CABP5: variants seen among roughly 807,000 people sequenced by gnomAD.
CABP5 encodes the protein calcium binding protein 5, also known as calcium-binding protein 5.
CABP5 carries 17 observed loss-of-function variants against 21.9 expected under a neutral mutation model. That is an observed-to-expected ratio of 0.78 (90% CI 0.53 to 1.17). The LOEUF (loss-of-function observed/expected upper bound fraction) is 1.17, where lower values mean the gene tolerates loss of function less well. CABP5 is among the 50% of genes most tolerant of loss of function. The pLI, the probability that CABP5 is intolerant of heterozygous loss-of-function variation, is 0.00. For missense variants in CABP5, 229 were observed against 228.9 expected (o/e 1.00, Z 0.00); for synonymous variants, 85 against 79.4 (o/e 1.07, Z -0.37).
Position 48,034,257 on chromosome 19 carries a change from G to A in CABP5, c.454C>T (p.Arg152Trp), listed in dbSNP as rs749204226. 56 of 1,606,798 alleles carry A rather than the reference G, an allele frequency of 3.5e-5. No homozygotes were observed. The highest frequency in any genetic ancestry group is 4.4e-5 in the Non-Finnish European group (52 of 1,177,116). Residue 152 changes from arginine (R) to tryptophan (W), a missense_variant, in exon 5 of 6, where the codon CGG becomes TGG. Physicochemically the swap from Arg to Trp is moderately radical, Grantham distance 101. Transcript: ENST00000293255. ...CCGTCTCCATTAACATCAGCCTCCCGGACAACCTCAGAGATCTCCCGGGGG... is the reference window on the plus strand; with the variant it reads ...CCGTCTCCATTAACATCAGCCTCCCAGACAACCTCAGAGATCTCCCGGGGG... ...LTPREISEVVREADVNGDGTV... is the reference protein window; with the variant it reads ...LTPREISEVVWEADVNGDGTV...
intron 4 of CABP5, among the ~76,000 whole-genome samples, chr19:48,036,335 C>T (rs900305549): frequency 1.3e-5 from 2 of 152,176 alleles, no homozygotes; most frequent in Non-Finnish European, 2.9e-5. Context: ...ATACTGTCCT[C>T]CAGGTTCATT....
intron 2 of CABP5, 116 bp from the exon 3 acceptor site, chr19:48,040,864 G>GAAACA (rs948846891): frequency 5.5e-5 from 46 of 835,000 alleles, no homozygotes; most frequent in East Asian, 2.4e-4. Context: ...GCGTACATTA[G>GAAACA]AAACAAAACA....
intron 2 of CABP5, chr19:48,041,254 A>G (rs1482842598): frequency 2.4e-6 from 1 of 416,544 alleles, no homozygotes; most frequent in Non-Finnish European, 4.3e-6. Context: ...ATCATTCCTG[A>G]GACCACTAAA....
At position 48,039,445 on chromosome 19, in the gene CABP5, C is replaced by T. The variant is rs1600126920; in HGVS notation, c.239-128G>A. ...CTATAAGAGCCGTCTTTGACTTCCT[C>T]CCTCCAGCAGCTAACTCCAAGCTCC... On this transcript the variant is annotated intron_variant, in intron 3 of 5. Transcript: ENST00000293255. 4.3e-6 allele frequency: 3 copies of T among 690,472 alleles called. No individual in the cohort carries two copies. The African/African-American group carries it at 5.3e-5, about 12-fold the overall frequency. The allele number at this position is 690,472 out of a possible 1,614,324, so 42.8% of individuals were successfully genotyped here. A position where few individuals can be genotyped will look rare whatever the true frequency, so the allele number is the denominator to read the frequency against.
At chr19:48,037,016 T>G (rs886230530) in intron 4 of CABP5, among the ~76,000 whole-genome samples, 2 of 152,144 alleles carry the variant, frequency 1.3e-5, no homozygotes, top group Non-Finnish European at 2.9e-5. Flanking sequence ...GCACAGCTAT[T>G]ATGGAAAATG....
chr19:48,037,464 C>T, intron 4 of CABP5, among the ~76,000 whole-genome samples: 1 of 151,588 alleles, frequency 6.6e-6, no homozygotes, highest in African/African-American at 2.4e-5. Flanking sequence ...GACGGGGTTT[C>T]TCCATGTTGG....
At chr19:48,042,237 C>T (rs1967490341) in intron 1 of CABP5, among the ~76,000 whole-genome samples, 1 of 152,268 alleles carries the variant, frequency 6.6e-6, no homozygotes, top group African/African-American at 2.4e-5. Flanking sequence ...TCACACTAGC[C>T]CCCATTCACT....
At position 48,030,407 on chromosome 19, in the gene CABP5, C is replaced by G. The variant is rs1249549761; in HGVS notation, c.*150G>C. 1.4e-6 allele frequency: 1 copy of G among 700,390 alleles called. No individual in the cohort carries two copies. The highest frequency in any genetic ancestry group is 1.8e-5 in the African/African-American group (1 of 54,612). The allele number at this position is 700,390 out of a possible 1,614,324, so 43.4% of individuals were successfully genotyped here. ...GCAAAGATACCGCTCTGGGTCTCAC[C>G]CCATGCACAGCGCCGCATGCCAATG... is the stretch of plus-strand genomic sequence containing the variant. On this transcript the variant is annotated 3_prime_UTR_variant, in exon 6 of 6. Coordinates refer to ENST00000293255, the MANE Select transcript of CABP5 (RefSeq NM_019855.5).
chr19:48,042,932 T>C (rs999700329), intron 1 of CABP5, among the ~76,000 whole-genome samples: 7 of 152,142 alleles, frequency 4.6e-5, no homozygotes, highest in Non-Finnish European at 8.8e-5. Flanking sequence ...CCCACATATC[T>C]GGACAAGTTG....
At chr19:48,041,892 C>T (rs1967486655) in intron 1 of CABP5, among the ~76,000 whole-genome samples, 1 of 152,108 alleles carries the variant, frequency 6.6e-6, no homozygotes, top group Admixed American at 6.6e-5. Context: ...GTCTTAAACA[C>T]TGGGGAGTCC....
chr19:48,034,442 C>T (rs1967381934), intron 4 of CABP5, 80 bp from the exon 5 acceptor site: 1 of 1,148,312 alleles, frequency 8.7e-7, no homozygotes, highest in South Asian at 2.4e-5. Flanking sequence ...CTATCGCTTA[C>T]TGTGGGTCAA....
intron 5 of CABP5, among the ~76,000 whole-genome samples, chr19:48,033,332 AAGAACCCCACGTCTCATCCATGT>A (rs1348271305): frequency 6.6e-6 from 1 of 152,172 alleles, no homozygotes; most frequent in Non-Finnish European, 1.5e-5. Context: ...TCACATAAAA[AAGAACCCCACGTCTCATCCATGT>A]AGAACCCCAA....
chr19:48,033,296 G>A (rs1024057246), intron 5 of CABP5, among the ~76,000 whole-genome samples: 9 of 141,118 alleles, frequency 6.4e-5, no homozygotes, highest in Admixed American at 3.6e-4. Context: ...GAGCCACCAT[G>A]TCCGGCCGAC....
intron 5 of CABP5, among the ~76,000 whole-genome samples, chr19:48,031,802 G>A (rs1403761491): frequency 2.0e-5 from 3 of 151,758 alleles, no homozygotes; most frequent in African/African-American, 7.3e-5. Flanking sequence ...TTGGCCTGAG[G>A]ATCATCTCCC....
At chr19:48,041,528 G>A in intron 2 of CABP5, 45 bp downstream of exon 2, 4 of 1,600,970 alleles carry the variant, frequency 2.5e-6, no homozygotes, top group South Asian at 1.1e-5. Flanking sequence ...GGCAGGTCAG[G>A]TGGGTGGATG....
In CABP5 at chr19:48,043,979, C is replaced by G; in HGVS notation, c.-57G>C. On this transcript the variant is annotated 5_prime_UTR_variant, in exon 1 of 6. Coordinates refer to ENST00000293255, the MANE Select transcript of CABP5 (RefSeq NM_019855.5). ...GTCTCAAGATGGCCCCTCCTCCCTG[C>G]TCCCTGTCGGAGCTCAGCCTCCTTA... 1 of 1,447,336 alleles carries G rather than the reference C, an allele frequency of 6.9e-7. No homozygotes were observed. The highest frequency in any genetic ancestry group is 9.2e-7 in the Non-Finnish European group (1 of 1,083,378). The allele number at this position is 1,447,336 out of a possible 1,614,324, so 89.7% of individuals were successfully genotyped here.
chr19:48,043,790 C>G (rs1967514108), intron 1 of CABP5, 70 bp downstream of exon 1: 1 of 1,274,252 alleles, frequency 7.8e-7, no homozygotes, highest in Non-Finnish European at 1.0e-6. Flanking sequence ...CCATCATGTC[C>G]CCTTCTTTGT....
At position 48,029,569 on chromosome 19, in the gene CABP5, G is replaced by C. The variant is rs532305727; in HGVS notation, c.*988C>G. Among the ~76,000 whole-genome samples, 9 of 152,084 alleles carry C rather than the reference G, an allele frequency of 5.9e-5. No individual in the cohort carries two copies. The highest frequency in any genetic ancestry group is 1.3e-4 in the Non-Finnish European group (9 of 68,014). ...CCTCTGGGTGGTCCAGGACAGACCA[G>C]CGCGGAGGTAGGAGGCTTCTAGGAA... On this transcript the variant is annotated 3_prime_UTR_variant, in exon 6 of 6. Transcript: ENST00000293255.
At chr19:48,031,383 T>C (rs919835321) in intron 5 of CABP5, among the ~76,000 whole-genome samples, 2 of 152,082 alleles carry the variant, frequency 1.3e-5, no homozygotes, top group Admixed American at 6.5e-5. Flanking sequence ...CTACTAAAAA[T>C]ACAAAAATTA....
Sources: allele counts gnomAD v4.1 joint callset (sites outside exome capture counted in the v4.1 genomes callset), GRCh38; gene constraint gnomAD v4.1.1; transcripts MANE v1.5; gene names NCBI Gene and HGNC (gene_info 2026-07-23, HGNC 2026-07-21).